MRC2: variants seen among roughly 807,000 people sequenced by gnomAD.
The protein encoded by MRC2 is C-type mannose receptor 2.
MRC2 carries 84 observed loss-of-function variants against 206.2 expected under a neutral mutation model. The observed-to-expected ratio is 0.41, with a 90% CI of 0.34 to 0.49. The LOEUF is 0.49. Among genes scored for constraint, MRC2 ranks in the 20% least tolerant of loss-of-function variants. The pLI, the probability that MRC2 is intolerant of heterozygous loss-of-function variation, is 0.31. For missense variants in MRC2, 1,676 were observed against 2,001.5 expected, an observed-to-expected ratio of 0.84 and a Z score of 3.10; for synonymous variants, 798 against 800.0, an observed-to-expected ratio of 1.00 and a Z score of 0.04.
At chr17:62,630,812 G>A (rs2084210072) in intron 1 of MRC2, among the ~76,000 whole-genome samples, 1 of 152,040 alleles carries the variant, frequency 6.6e-6, no homozygotes, top group Non-Finnish European at 1.5e-5. Context: ...TCTGACCAGA[G>A]TCAGCCAGAC....
chr17:62,692,042 G>A lies in MRC2; in HGVS notation c.4193-70G>A. ...CTCCCGGCCCAGGCCTGTGTGCTTT[G>A]TATGTTTACTTAAGTGATTATTACG... On this transcript the variant is annotated intron_variant, in intron 28 of 29. Transcript: ENST00000303375. This position sits in a 1 kb window ranked among gnomAD's most constrained non-coding sequence, Gnocchi z 4.2. 1 of 1,606,980 alleles carries A rather than the reference G, an allele frequency of 6.2e-7. No homozygotes were observed. Among genetic ancestry groups the A allele is most frequent in the African/African-American group, 1.3e-5 (1 of 74,900 alleles).
chr17:62,689,406 G>A (rs1453248142), intron 23 of MRC2, 116 bp from the exon 24 acceptor site: 13 of 678,566 alleles, frequency 1.9e-5, no homozygotes, highest in African/African-American at 1.6e-4. Flanking sequence ...TGGGCCAAGC[G>A]CCGAGTCTGG....
Position 62,680,465 on chromosome 17 carries a change from C to G in MRC2, c.2473+12C>G, listed in dbSNP as rs778289569. The G allele has an allele frequency of 3.7e-6, 6 of 1,613,920 alleles. No individual in the cohort carries two copies. The highest frequency in any genetic ancestry group is 5.1e-6 in the Non-Finnish European group (6 of 1,179,982). On this transcript the variant is annotated intron_variant, in intron 16 of 29. Coordinates refer to ENST00000303375, the MANE Select transcript of MRC2 (RefSeq NM_006039.5). This position sits in a 1 kb window ranked among gnomAD's most constrained non-coding sequence, Gnocchi z 4.8. The stretch of plus-strand genomic sequence containing the variant: ...CGACAGCCCTCAAGGTGAGCACCCC[C>G]CAGCCCATCCCGCTACCCATCGCGT...
chr17:62,665,409 C>G (rs1226491796), intron 2 of MRC2, among the ~76,000 whole-genome samples: 1 of 141,828 alleles, frequency 7.1e-6, no homozygotes, highest in Admixed American at 6.8e-5. Context: ...TGTCCCCCCC[C>G]CCACAAAAAA....
In MRC2 at chr17:62,666,603, G is replaced by GCAGA; in HGVS notation, c.845_848dup (p.Tyr284AspfsTer20). Reference sequence around the variant, plus strand: ...TGCTGAGCATCACGGAGATCCACGAGCAGACCTACATCAACGGTGAGCCGG... The same window carrying GCAGA: ...TGCTGAGCATCACGGAGATCCACGAGCAGACAGACCTACATCAACGGTGAGCCGG... On this transcript the variant is annotated frameshift_variant, in exon 4 of 30. Transcript: ENST00000303375. LOFTEE classifies it high-confidence loss of function. The surrounding 1 kb of genome is among the most constrained non-coding windows in gnomAD (Gnocchi z 5.0). 6.3e-7 allele frequency: 1 copy of GCAGA among 1,594,068 alleles called. No individual in the cohort carries two copies. Among genetic ancestry groups the GCAGA allele is most frequent in the African/African-American group, 1.3e-5 (1 of 74,782 alleles).
chr17:62,690,034 G>A lies in MRC2; in HGVS notation c.3714G>A (p.Leu1238=). The change falls in exon 25 of 30, where the codon CTG becomes CTA. Residue 1238 remains leucine (L), a synonymous_variant. Transcript: ENST00000303375. ...AWRTTSCDTK[L]QGAVCGVSSG... The stretch of plus-strand genomic sequence containing the variant: ...GCACCACCAGCTGTGACACCAAGCT[G>A]CAGGGGGCTGTGTGTGGGGTTAGCA... 6.2e-7 allele frequency: 1 copy of A among 1,607,850 alleles called. No homozygotes were observed. The highest frequency in any genetic ancestry group is 1.1e-5 in the South Asian group (1 of 89,918).
At chr17:62,639,891 TTGCCC>T (rs1365973087) in intron 1 of MRC2, among the ~76,000 whole-genome samples, 3 of 152,172 alleles carry the variant, frequency 2.0e-5, no homozygotes, top group African/African-American at 4.8e-5. Context: ...TTTGCACTTG[TTGCCC>T]AGGCTGGAGT....
chr17:62,684,819 A>T (rs1223057876), intron 20 of MRC2, among the ~76,000 whole-genome samples: 1 of 152,200 alleles, frequency 6.6e-6, no homozygotes. Flanking sequence ...AGTGTCATGG[A>T]TCTCCTGCCC....
In MRC2 at chr17:62,679,737, G is replaced by A. The variant is rs761037045; in HGVS notation, c.2196-63G>A. 134 of 1,531,598 alleles carry A rather than the reference G, an allele frequency of 8.7e-5. No homozygotes were observed. In the Middle Eastern group the frequency reaches 1.0e-3, roughly 12 times the overall value. 94.9% of individuals were successfully genotyped at this position (1,531,598 alleles called of 1,614,324 possible). A position where few individuals can be genotyped will look rare whatever the true frequency, so the allele number is the denominator to read the frequency against. On this transcript the variant is annotated intron_variant, in intron 13 of 29. Coordinates refer to ENST00000303375, the MANE Select transcript of MRC2 (RefSeq NM_006039.5). ...CACAGCTGCAAGGGACAGGGGGCAC[G>A]TTTGGGTTCCTGCCCCTCTCACTTC... is the stretch of plus-strand genomic sequence containing the variant.
chr17:62,636,447 T>A (rs1182405315), intron 1 of MRC2, among the ~76,000 whole-genome samples: 1 of 150,202 alleles, frequency 6.7e-6, no homozygotes, highest in Non-Finnish European at 1.5e-5. Context: ...AGTAGTTCAT[T>A]GGGTAATCTT....
Position 62,674,240 on chromosome 17 carries a change from G to GACCACCGA in MRC2, c.1569+70_1569+71insACCACCGA. 6.9e-6 allele frequency: 8 copies of GACCACCGA among 1,153,332 alleles called. No individual in the cohort carries two copies. The Admixed American group carries it at 7.9e-5, about 11-fold the overall frequency. The allele number at this position is 1,153,332 out of a possible 1,614,324, so 71.4% of individuals were successfully genotyped here. On this transcript the variant is annotated intron_variant, in intron 9 of 29. Transcript: ENST00000303375. ...AGGGGCTACCAGGGGAGGGAGAGGTGGATGAACTCCTGCTGCCTCGCATGG... is the reference window on the plus strand; with the variant it reads ...AGGGGCTACCAGGGGAGGGAGAGGTGACCACCGAGATGAACTCCTGCTGCCTCGCATGG...
chr17:62,666,684 G>T lies in MRC2; in HGVS notation c.859+65G>T. 6.4e-7 allele frequency: 1 copy of T among 1,565,894 alleles called. No homozygotes were observed. Among genetic ancestry groups the T allele is most frequent in the Non-Finnish European group, 8.7e-7 (1 of 1,154,456 alleles). On this transcript the variant is annotated intron_variant, in intron 4 of 29. Transcript: ENST00000303375. The surrounding 1 kb of genome is among the most constrained non-coding windows in gnomAD (Gnocchi z 5.0). The stretch of plus-strand genomic sequence containing the variant: ...CCCGGGCCCTTTCCGCTTGTGGGTT[G>T]GGGAGAGGGCGATGGGGAGCGGGGG...
Position 62,675,787 on chromosome 17 carries a change from C to T in MRC2, c.1570-3C>T. 1 of 1,613,336 alleles carries T rather than the reference C, an allele frequency of 6.2e-7. No individual in the cohort carries two copies. Among genetic ancestry groups the T allele is most frequent in the South Asian group, 1.1e-5 (1 of 91,070 alleles). ...ACCCCTCTTCTGTCCACTCTTGAGC[C>T]AGGGTTGGACGTGGCACAGCCCATC... On this transcript the variant is annotated splice_region_variant and splice_polypyrimidine_tract_variant and intron_variant, in intron 9 of 29. Transcript: ENST00000303375. This position sits in a 1 kb window ranked among gnomAD's most constrained non-coding sequence, Gnocchi z 4.1.
intron 1 of MRC2, among the ~76,000 whole-genome samples, chr17:62,640,852 T>C (rs2088393380): frequency 6.6e-6 from 1 of 151,710 alleles, no homozygotes. Flanking sequence ...GCCCGGCTAA[T>C]TTTTTTGTTT....
intron 19 of MRC2, 53 bp downstream of exon 19, chr17:62,681,990 C>A: frequency 1.4e-6 from 2 of 1,424,742 alleles, no homozygotes; most frequent in Non-Finnish European, 1.9e-6. Flanking sequence ...AGGGTTAATG[C>A]TGGGCGAGCC....
Position 62,682,264 on chromosome 17 carries a change from G to T in MRC2, c.2833G>T (p.Ala945Ser), listed in dbSNP as rs1472277488. 7 of 1,601,500 alleles carry T rather than the reference G, an allele frequency of 4.4e-6. No homozygotes were observed. In the South Asian group the frequency reaches 7.9e-5, roughly 18 times the overall value. ...CTGGGGGGACCAGAGGTGCCTGACA[G>T]CCTTGCCCTACATCTGCAAGCGCAG... is the stretch of plus-strand genomic sequence containing the variant. ...EDWGDQRCLT[A>S]LPYICKRSNV... Residue 945 changes from alanine to serine, a missense_variant, in exon 20 of 30, where the codon GCC becomes TCC. This residue lies in a region of MRC2 where 1,354 missense variants were observed against 1,636.6 expected (regional missense o/e 0.83). Transcript: ENST00000303375.
intron 20 of MRC2, 103 bp downstream of exon 20, chr17:62,682,480 T>C (rs2088980955): frequency 7.3e-7 from 1 of 1,378,240 alleles, no homozygotes; most frequent in East Asian, 2.5e-5. Context: ...ACCAAACTCA[T>C]GGCCTCTTGC....
At chr17:62,629,782 C>G (rs1568044979) in intron 1 of MRC2, among the ~76,000 whole-genome samples, 1 of 152,238 alleles carries the variant, frequency 6.6e-6, no homozygotes, top group Non-Finnish European at 1.5e-5. Flanking sequence ...GAGGAATTCA[C>G]CAGCACCAGA....
At position 62,681,095 on chromosome 17, in the gene MRC2, G is replaced by A. The variant is rs1446582404; in HGVS notation, c.2668G>A (p.Gly890Ser). The A allele has an allele frequency of 1.2e-6, 2 of 1,613,438 alleles. No homozygotes were observed. Among genetic ancestry groups the A allele is most frequent in the African/African-American group, 1.3e-5 (1 of 74,950 alleles). Residue 890 changes from glycine to serine, a missense_variant, in exon 18 of 30, where the codon GGC becomes AGC. Around this residue, in one of 3 missense-constraint regions of MRC2, gnomAD observed 1,354 missense variants for 1,636.6 expected, o/e 0.83. Transcript: ENST00000303375. ...SRAQEQHWWI[G>S]LHTSESDGRF... is the part of the protein sequence containing the mutation. Reference sequence around the variant, plus strand: ...GGCCCAGGAGCAGCACTGGTGGATCGGCCTGCACACCTCTGAGAGCGATGG... The same window carrying A: ...GGCCCAGGAGCAGCACTGGTGGATCAGCCTGCACACCTCTGAGAGCGATGG...
Sources: gnomAD v4.1 joint callset for allele counts (sites outside exome capture counted in the v4.1 genomes callset) on GRCh38, gnomAD v4.1.1 for gene constraint, gnomAD v4.1.1 regional missense constraint, Gnocchi (gnomAD v3.1) non-coding constraint, MANE v1.5 for transcripts, NCBI Gene and HGNC (gene_info 2026-07-23, HGNC 2026-07-21) for gene names.